The following VPS13A variants were observed in gnomAD, a reference collection of about 807,000 sequenced individuals.
The protein encoded by VPS13A is vacuolar protein sorting 13 homolog A, also known as intermembrane lipid transfer protein VPS13A.
In VPS13A, 264 loss-of-function variants were observed where a neutral mutation model predicts 390.9. That is an observed-to-expected ratio of 0.68 (90% CI 0.61 to 0.75). VPS13A has a LOEUF of 0.75. VPS13A is among the 30% of genes least tolerant of loss of function. The probability of loss-of-function intolerance (pLI) is 0.00; values close to 1 mark genes in which losing one functional copy is unlikely to be tolerated. For synonymous variants in VPS13A, 1,231 were observed against 1,227.1 expected, an observed-to-expected ratio of 1.00 and a Z score of -0.07; for missense variants, 3,409 against 3,733.9, an observed-to-expected ratio of 0.91 and a Z score of 2.27.
chr9:77,291,116 C>T (rs906621696), intron 31 of VPS13A, among the ~76,000 whole-genome samples: 5 of 152,098 alleles, frequency 3.3e-5, no homozygotes, highest in South Asian at 2.1e-4. Context: ...GAGTGGTGGG[C>T]GAGGGAGCAT....
intron 71 of VPS13A, among the ~76,000 whole-genome samples, chr9:77,409,250 A>G (rs771663193): frequency 6.6e-6 from 1 of 152,118 alleles, no homozygotes; most frequent in Non-Finnish European, 1.5e-5. Context: ...TGTTTGTTAG[A>G]AGGAAAACTA....
intron 63 of VPS13A, among the ~76,000 whole-genome samples, chr9:77,370,036 CCTTT>C (rs1323675274): frequency 5.3e-5 from 8 of 152,162 alleles, no homozygotes; most frequent in South Asian, 2.1e-4. Context: ...TTGCCGTACT[CCTTT>C]CTAAGGGTCA....
chr9:77,378,759 A>T (rs541342871), intron 67 of VPS13A, among the ~76,000 whole-genome samples: 2 of 151,286 alleles, frequency 1.3e-5, no homozygotes, highest in Non-Finnish European at 3.0e-5. Flanking sequence ...TGCTTTTTCT[A>T]CTTTCTCAAC....
chr9:77,361,554 A>G (rs939713123), intron 59 of VPS13A, among the ~76,000 whole-genome samples: 3 of 152,144 alleles, frequency 2.0e-5, no homozygotes, highest in Non-Finnish European at 4.4e-5. Context: ...CTGGTGTACA[A>G]GTTTTTATTG....
At chr9:77,334,529 A>G (rs1159671619) in intron 46 of VPS13A, among the ~76,000 whole-genome samples, 3 of 152,162 alleles carry the variant, frequency 2.0e-5, no homozygotes. Flanking sequence ...CTTGGCAAAT[A>G]CCTTGCAGTC....
rs909883058 is a variant in VPS13A, at chr9:77,363,427, A to G, written c.8212-2033A>G. ...TTATTTTTTTTTTTTTTTGAGACCT[A>G]GGCTCGCTCTGTCTCCCAGGCTGGA... On this transcript the variant is annotated intron_variant, in intron 59 of 71. Transcript: ENST00000360280. 2.6e-3 allele frequency among the ~76,000 whole-genome samples: 296 copies of G among 115,090 alleles called. 2 individuals carry two copies. The highest frequency in any genetic ancestry group is 9.0e-3 in the African/African-American group (279 of 30,856). The allele number at this position is 115,090 out of a possible 152,430, so 75.5% of individuals were successfully genotyped here.
chr9:77,341,576 G>A (rs1439630195), intron 50 of VPS13A, among the ~76,000 whole-genome samples: 2 of 150,202 alleles, frequency 1.3e-5, no homozygotes, highest in African/African-American at 4.9e-5. Context: ...CATCTAAGCC[G>A]TTAAATCAGA....
chr9:77,361,004 A>G (rs1832111034), intron 59 of VPS13A, among the ~76,000 whole-genome samples: 1 of 152,132 alleles, frequency 6.6e-6, no homozygotes, highest in South Asian at 2.1e-4. Context: ...AAAAGGTGGT[A>G]TCATCTGGGT....
chr9:77,204,488 AGTTTTCATAT>A (rs1366760183), intron 3 of VPS13A, among the ~76,000 whole-genome samples: 6 of 152,240 alleles, frequency 3.9e-5, no homozygotes, highest in African/African-American at 1.4e-4. Flanking sequence ...CTTTATGTGT[AGTTTTCATAT>A]ATATAGTTTA....
At chr9:77,268,609 C>T (rs773673061) in intron 23 of VPS13A, among the ~76,000 whole-genome samples, 3 of 152,066 alleles carry the variant, frequency 2.0e-5, no homozygotes, top group Admixed American at 1.3e-4. Context: ...TCTTGCCAGC[C>T]ACCAGTGTAG....
rs138228687 is a variant in VPS13A, at chr9:77,408,690, A to G, written c.9474+1083A>G. ...GTCCTACGCCCACGGAGCCTTGCTC[A>G]TTGCTAGCACAGCAGTCAGTCTGAG... On this transcript the variant is annotated intron_variant, in intron 71 of 71. Transcript: ENST00000360280. 8.4e-3 allele frequency among the ~76,000 whole-genome samples: 1,272 copies of G among 152,310 alleles called. 10 individuals are homozygous for G. The highest frequency in any genetic ancestry group is 0.065 in the Middle Eastern group (19 of 294).
chr9:77,410,234 AAG>A (rs1834854181), intron 71 of VPS13A, among the ~76,000 whole-genome samples: 2 of 151,684 alleles, frequency 1.3e-5, no homozygotes, highest in South Asian at 2.1e-4. Flanking sequence ...CCTTTACAGA[AAG>A]GCAAATGCTG....
chr9:77,303,008 G>A lies in VPS13A; in HGVS notation c.3906G>A (p.Glu1302=). Residue 1302 remains glutamate (E), a synonymous_variant, in exon 34 of 72, where the codon GAG becomes GAA. Transcript: ENST00000360280. Reference sequence around the variant, plus strand: ...TGGTTGAACGAAATTTATGCTGGGAGTGGTACCAGGAAGTTCCTTGTTTTA... The same window carrying A: ...TGGTTGAACGAAATTTATGCTGGGAATGGTACCAGGAAGTTCCTTGTTTTA... The part of the protein sequence containing the change: ...EVVVERNLCW[E]WYQEVPCFNV... 2 of 1,614,032 alleles carry A rather than the reference G, an allele frequency of 1.2e-6. No individual in the cohort carries two copies. Among genetic ancestry groups the A allele is most frequent in the Non-Finnish European group, 1.7e-6 (2 of 1,179,980 alleles).
intron 1 of VPS13A, 47 bp from the exon 2 acceptor site, chr9:77,199,898 A>C: frequency 2.6e-6 from 4 of 1,528,394 alleles, no homozygotes; most frequent in Non-Finnish European, 3.6e-6. Flanking sequence ...AACTTTTTAA[A>C]ATGAAAAATA....
intron 19 of VPS13A, among the ~76,000 whole-genome samples, chr9:77,241,313 C>G (rs1404460311): frequency 6.6e-6 from 1 of 152,026 alleles, no homozygotes; most frequent in Non-Finnish European, 1.5e-5. Flanking sequence ...TATCAAATCT[C>G]TTCATTAAGT....
Position 77,317,586 on chromosome 9 carries a change from T to C in VPS13A, c.4864-20T>C, listed in dbSNP as rs374223899. On this transcript the variant is annotated intron_variant, in intron 39 of 71. Transcript: ENST00000360280. ...TTATATTTAAACATTAATTTAGTGG[T>C]ATTGATTTTTCTCTCATAGGTTTTG... 5.2e-6 allele frequency: 8 copies of C among 1,542,574 alleles called. No individual in the cohort carries two copies. The highest frequency in any genetic ancestry group is 4.1e-5 in the African/African-American group (3 of 73,322).
chr9:77,296,437 A>G (rs886470942), intron 33 of VPS13A, among the ~76,000 whole-genome samples: 9 of 152,084 alleles, frequency 5.9e-5, no homozygotes, highest in Middle Eastern at 3.4e-3. Flanking sequence ...ATCCTTCTCT[A>G]TTTATACTTC....
intron 67 of VPS13A, among the ~76,000 whole-genome samples, chr9:77,379,525 C>A (rs758969914): frequency 6.6e-6 from 1 of 152,138 alleles, no homozygotes; most frequent in East Asian, 1.9e-4. Flanking sequence ...CAGGAATGAG[C>A]CACCACGCCC....
chr9:77,416,677 A>G lies in VPS13A; in HGVS notation c.*671A>G, dbSNP rs576484282. 6.6e-6 allele frequency: 1 copy of G among 152,578 alleles called. No homozygotes were observed. Among genetic ancestry groups the G allele is most frequent in the Non-Finnish European group, 1.5e-5 (1 of 68,034 alleles). 9.5% of individuals were successfully genotyped at this position (152,578 alleles called of 1,614,324 possible). A position where few individuals can be genotyped will look rare whatever the true frequency, so the allele number is the denominator to read the frequency against. On this transcript the variant is annotated 3_prime_UTR_variant, in exon 72 of 72. Transcript: ENST00000360280. ...CCTTAAAGAAATAAGTATCCTACTC[A>G]AAAAAGGAAGTCTGTTTCAGAACTT...
Sources: gnomAD v4.1 joint callset for allele counts (sites outside exome capture counted in the v4.1 genomes callset) on GRCh38, gnomAD v4.1.1 for gene constraint, MANE v1.5 for transcripts, NCBI Gene and HGNC (gene_info 2026-07-23, HGNC 2026-07-21) for gene names.